The following GJB6 variants were observed in gnomAD, a reference collection of about 807,000 sequenced individuals.
GJB6 encodes gap junction beta-6 protein.
In GJB6, 5 loss-of-function variants were observed where a neutral mutation model predicts 5.4. That is an observed-to-expected ratio of 0.92 (90% CI 0.48 to 1.93). GJB6 has a LOEUF of 1.93. Among genes scored for constraint, GJB6 ranks in the 30% most tolerant of loss-of-function variants. The pLI, the probability that GJB6 is intolerant of heterozygous loss-of-function variation, is 0.01. For missense variants in GJB6, 298 were observed against 326.9 expected (o/e 0.91, Z 0.68); for synonymous variants, 136 against 129.6 (o/e 1.05, Z -0.34).
Position 20,223,198 on chromosome 13 carries a change from C to T in GJB6, c.283G>A (p.Val95Met). ...STPALLVAMH[V>M]AYYRHETTRK... ...GTGGTTTCGTGCCTGTAGTAGGCCA[C>T]ATGCATGGCCACCAGCAGCGCTGGG... Residue 95 changes from valine to methionine, a missense_variant, in exon 5 of 5, where the codon GTG (valine) becomes ATG (methionine). Physicochemically the swap from Val to Met is conservative, Grantham distance 21 (BLOSUM62 1). Coordinates refer to ENST00000647029, the MANE Select transcript of GJB6 (RefSeq NM_001110219.3). 2 of 1,611,314 alleles carry T rather than the reference C, an allele frequency of 1.2e-6. No individual in the cohort carries two copies. The highest frequency in any genetic ancestry group is 1.7e-6 in the Non-Finnish European group (2 of 1,177,852).
Position 20,223,180 on chromosome 13 carries a change from C to G in GJB6, c.301G>C (p.Glu101Gln), listed in dbSNP as rs571454176. The change falls in exon 5 of 5, where the codon GAA (glutamate) becomes CAA (glutamine). Residue 101 changes from glutamate (E) to glutamine (Q), a missense_variant. By Grantham distance (29) the Glu-to-Gln change is conservative. Coordinates refer to ENST00000647029, the MANE Select transcript of GJB6 (RefSeq NM_001110219.3). The stretch of plus-strand genomic sequence containing the variant: ...CCTCGCCTGAACTTGCGAGTGGTTT[C>G]GTGCCTGTAGTAGGCCACATGCATG... ...VAMHVAYYRH[E>Q]TTRKFRRGEK... 51 of 1,613,064 alleles carry G rather than the reference C, an allele frequency of 3.2e-5. No homozygotes were observed. The South Asian group carries it at 3.7e-4, about 12-fold the overall frequency.
chr13:20,228,717 C>A (rs796988047), intron 4 of GJB6, among the ~76,000 whole-genome samples: 6 of 151,318 alleles, frequency 4.0e-5, no homozygotes, highest in Admixed American at 6.6e-5. Flanking sequence ...ATCTCCTGAC[C>A]TCATGATCCG....
At chr13:20,224,863 C>T (rs913668254) in intron 4 of GJB6, among the ~76,000 whole-genome samples, 1 of 152,144 alleles carries the variant, frequency 6.6e-6, no homozygotes, top group African/African-American at 2.4e-5. Context: ...ACTTTCTTAT[C>T]CCTGAGTGGG....
intron 4 of GJB6, among the ~76,000 whole-genome samples, chr13:20,225,969 C>G (rs946037378): frequency 6.6e-6 from 1 of 152,024 alleles, no homozygotes; most frequent in Non-Finnish European, 1.5e-5. Context: ...CACAAGGTTG[C>G]GAAAAAGAGA....
rs760492705 is a variant in GJB6 at position 20,222,764 on chromosome 13, A to T, written c.717T>A (p.Ser239Arg). ...TCAGCTCATTCATTTCATTCTGCTT[A>T]CTCTCCTTTAGGGCATGATTGGGGT... ...KNHPNHALKE[S>R]KQNEMNELIS... Residue 239 changes from serine (S) to arginine (R), a missense_variant, in exon 5 of 5, where the codon AGT becomes AGA. Coordinates refer to ENST00000647029, the MANE Select transcript of GJB6 (RefSeq NM_001110219.3). 1 of 1,613,862 alleles carries T rather than the reference A, an allele frequency of 6.2e-7. No homozygotes were observed. The highest frequency in any genetic ancestry group is 1.1e-5 in the South Asian group (1 of 91,062).
intron 3 of GJB6, 67 bp from the exon 4 acceptor site, chr13:20,229,816 T>C: frequency 2.3e-5 from 1 of 42,746 alleles, no homozygotes; most frequent in Non-Finnish European, 4.6e-5. Flanking sequence ...CCCCCCGCAA[T>C]ATGTCCCCTG....
chr13:20,223,963 T>C (rs892718863), intron 4 of GJB6, among the ~76,000 whole-genome samples: 3 of 151,102 alleles, frequency 2.0e-5, no homozygotes, highest in African/African-American at 7.4e-5. Flanking sequence ...AGCGAGACTC[T>C]GTCTCGAAAA....
rs778441412 is a variant in GJB6 at position 20,222,656 on chromosome 13, A to C, written c.*39T>G. 1.4e-5 allele frequency: 22 copies of C among 1,571,696 alleles called. No individual in the cohort carries two copies. The Admixed American group carries it at 3.3e-4, about 24-fold the overall frequency. On this transcript the variant is annotated 3_prime_UTR_variant, in exon 5 of 5. Coordinates refer to ENST00000647029, the MANE Select transcript of GJB6 (RefSeq NM_001110219.3). ...GGTATTGCCTTCTGGAGAAGACAGA[A>C]GTCTCCTTATGACGCAGCTACATTT...
chr13:20,225,138 T>C (rs929431708), intron 4 of GJB6: 3 of 151,806 alleles, frequency 2.0e-5, no homozygotes, highest in African/African-American at 7.3e-5. Flanking sequence ...TGAGAAATTG[T>C]TTTTTTTGCC....
At position 20,229,315 on chromosome 13, in the gene GJB6, A is replaced by ATTTTTT. The variant is rs60451416; in HGVS notation, c.-16+259_-16+264dup. 5.4e-4 allele frequency among the ~76,000 whole-genome samples: 30 copies of ATTTTTT among 55,292 alleles called. 2 individuals carry two copies. Among genetic ancestry groups the ATTTTTT allele is most frequent in the African/African-American group, 1.6e-3 (26 of 15,864 alleles). 36.3% of individuals were successfully genotyped at this position (55,292 alleles called of 152,430 possible). On this transcript the variant is annotated intron_variant, in intron 4 of 4. Transcript: ENST00000647029. ...AGGCATATGCCACCATACCTGGTTA[A>ATTTTTT]TTTTTTTTTTTTTTTTTTTTTTTTT... is the stretch of plus-strand genomic sequence containing the variant.
intron 4 of GJB6, among the ~76,000 whole-genome samples, chr13:20,228,161 G>A (rs1869727823): frequency 1.3e-5 from 2 of 152,200 alleles, no homozygotes; most frequent in Admixed American, 6.5e-5. Flanking sequence ...CATCCACTGG[G>A]ACCCTTTGCA....
intron 3 of GJB6, 49 bp from the exon 4 acceptor site, chr13:20,229,798 C>CG (rs1406634556): frequency 9.8e-6 from 1 of 101,892 alleles, no homozygotes; most frequent in African/African-American, 3.4e-5. Flanking sequence ...TAACTCCCCC[C>CG]CCCCCCGCCC....
At chr13:20,228,156 A>T (rs1005339307) in intron 4 of GJB6, among the ~76,000 whole-genome samples, 2 of 152,238 alleles carry the variant, frequency 1.3e-5, no homozygotes, top group Non-Finnish European at 2.9e-5. Context: ...CATCGCATCC[A>T]CTGGGACCCT....
intron 4 of GJB6, among the ~76,000 whole-genome samples, chr13:20,224,989 G>A (rs1421621304): frequency 6.6e-6 from 1 of 152,204 alleles, no homozygotes; most frequent in Non-Finnish European, 1.5e-5. Flanking sequence ...TGGGGTAAAT[G>A]GAGGCAGCCT....
rs754202125 is a variant in GJB6 at position 20,223,101 on chromosome 13, C to T, written c.380G>A (p.Arg127Gln). The T allele has an allele frequency of 3.2e-5, 52 of 1,613,832 alleles. No individual in the cohort carries two copies. The highest frequency in any genetic ancestry group is 6.7e-5 in the East Asian group (3 of 44,894). Residue 127 changes from arginine to glutamine, a missense_variant, in exon 5 of 5, where the codon CGG (arginine) becomes CAG (glutamine). Transcript: ENST00000647029. ...CGTCCACCACAGCGACCCCTCTATC[C>T]GAACCTTCTGCTTTTTAATGTCCTC... The part of the protein sequence containing the change: ...DIEDIKKQKV[R>Q]IEGSLWWTYT...
At chr13:20,230,028 A>AG (rs35719075) in intron 3 of GJB6, 1 of 152,144 alleles carries the variant, frequency 6.6e-6, no homozygotes, top group African/African-American at 2.4e-5. Context: ...AAAAAGGGAC[A>AG]GGGGAGAGTT....
At chr13:20,224,942 T>A (rs929417357) in intron 4 of GJB6, among the ~76,000 whole-genome samples, 1 of 152,130 alleles carries the variant, frequency 6.6e-6, no homozygotes, top group Non-Finnish European at 1.5e-5. Context: ...CCCACACACC[T>A]GCCCCTCTGC....
intron 4 of GJB6, among the ~76,000 whole-genome samples, chr13:20,229,213 A>G (rs1411037394): frequency 6.9e-6 from 1 of 145,568 alleles, no homozygotes; most frequent in Non-Finnish European, 1.5e-5. Context: ...CAATGGTGCA[A>G]TCTCAGCTCA....
chr13:20,229,137 A>G (rs1427462225), intron 4 of GJB6, among the ~76,000 whole-genome samples: 1 of 143,714 alleles, frequency 7.0e-6, no homozygotes, highest in Non-Finnish European at 1.5e-5. Context: ...AAAAAAAAAA[A>G]AAAAAAAAAA....
Sources: allele counts gnomAD v4.1 joint callset (sites outside exome capture counted in the v4.1 genomes callset), GRCh38; gene constraint gnomAD v4.1.1; transcripts MANE v1.5; gene names NCBI Gene and HGNC (gene_info 2026-07-23, HGNC 2026-07-21).